KCNH5: variants seen among roughly 807,000 people sequenced by gnomAD.
KCNH5 encodes the protein voltage-gated delayed rectifier potassium channel KCNH5.
Under a neutral mutation model 96.1 loss-of-function variants are expected in KCNH5, and 46 were observed. The observed-to-expected ratio is 0.48, with a 90% confidence interval of 0.38 to 0.61. KCNH5 has a LOEUF of 0.61. Among genes scored for constraint, KCNH5 ranks in the 20% least tolerant of loss-of-function variants. The pLI, the probability that KCNH5 is intolerant of heterozygous loss-of-function variation, is 0.00. For missense variants in KCNH5, 907 were observed against 1,225.8 expected, an observed-to-expected ratio of 0.74 and a Z score of 3.88; for synonymous variants, 439 against 449.8, an observed-to-expected ratio of 0.98 and a Z score of 0.30.
At chr14:62,756,869 T>C (rs1036582827) in intron 10 of KCNH5, among the ~76,000 whole-genome samples, 4 of 152,176 alleles carry the variant, frequency 2.6e-5, no homozygotes, top group African/African-American at 9.6e-5. Context: ...ATTGTGGAAA[T>C]TCTCCAGAAC....
intron 6 of KCNH5, among the ~76,000 whole-genome samples, chr14:62,979,671 A>G (rs113664519): frequency 3.0e-4 from 45 of 152,276 alleles, no homozygotes; most frequent in African/African-American, 1.0e-3. Flanking sequence ...TATTTTAATA[A>G]TAGACATATT....
intron 6 of KCNH5, among the ~76,000 whole-genome samples, chr14:62,963,278 A>T (rs2139545890): frequency 2.0e-5 from 3 of 152,256 alleles, no homozygotes; most frequent in Middle Eastern, 6.8e-3. Context: ...AGGAGAAAGC[A>T]TAGTATATAT....
intron 7 of KCNH5, among the ~76,000 whole-genome samples, chr14:62,913,517 C>T (rs1034664315): frequency 2.0e-5 from 3 of 152,232 alleles, no homozygotes; most frequent in African/African-American, 4.8e-5. Flanking sequence ...TGAGCCACTG[C>T]GCCCGGCCAA....
chr14:62,776,922 T>C (rs1256855287), intron 10 of KCNH5, among the ~76,000 whole-genome samples: 1 of 152,198 alleles, frequency 6.6e-6, no homozygotes, highest in Non-Finnish European at 1.5e-5. Flanking sequence ...TGGATACACA[T>C]GTGTGGCCAG....
intron 7 of KCNH5, among the ~76,000 whole-genome samples, chr14:62,909,765 A>G (rs954550027): frequency 5.9e-5 from 9 of 152,094 alleles, no homozygotes; most frequent in Admixed American, 3.3e-4. Context: ...GCAGAGGCAC[A>G]GGCAGGTGAT....
intron 10 of KCNH5, chr14:62,712,375 A>C: frequency 2.4e-6 from 1 of 414,858 alleles, no homozygotes; most frequent in Non-Finnish European, 4.3e-6. Context: ...TTTCTCATTT[A>C]AGTGTCATGG....
intron 7 of KCNH5, among the ~76,000 whole-genome samples, chr14:62,894,809 T>A (rs1888779361): frequency 6.6e-6 from 1 of 152,238 alleles, no homozygotes; most frequent in African/African-American, 2.4e-5. Context: ...TTAAATGCAC[T>A]GAAATTAAAC....
At chr14:63,006,506 C>A (rs1891130758) in intron 2 of KCNH5, 34 bp from the exon 3 acceptor site, 1 of 1,258,128 alleles carries the variant, frequency 7.9e-7, no homozygotes, top group Non-Finnish European at 1.2e-6. Flanking sequence ...ATCGATTTCA[C>A]TTTTGTGTTG....
intron 7 of KCNH5, among the ~76,000 whole-genome samples, chr14:62,927,093 T>C (rs749617714): frequency 6.6e-6 from 1 of 152,154 alleles, no homozygotes; most frequent in East Asian, 1.9e-4. Context: ...AGAACTTGAA[T>C]AGACCCTTCT....
intron 7 of KCNH5, among the ~76,000 whole-genome samples, chr14:62,918,815 TA>T (rs932228407): frequency 2.6e-5 from 4 of 151,808 alleles, no homozygotes; most frequent in Non-Finnish European, 4.4e-5. Flanking sequence ...ATATATCCAA[TA>T]AAAAAAATGC....
chr14:62,760,227 CTT>C (rs1885717775), intron 10 of KCNH5, among the ~76,000 whole-genome samples: 1 of 152,108 alleles, frequency 6.6e-6, no homozygotes, highest in Non-Finnish European at 1.5e-5. Flanking sequence ...AGGAAACACT[CTT>C]TTTTCACACG....
chr14:62,781,680 C>G (rs908026913), intron 9 of KCNH5, among the ~76,000 whole-genome samples: 1 of 152,224 alleles, frequency 6.6e-6, no homozygotes, highest in Non-Finnish European at 1.5e-5. Flanking sequence ...TCTGTTCCGC[C>G]GGGCTCACCG....
intron 8 of KCNH5, 37 bp downstream of exon 8, chr14:62,849,616 A>C: frequency 6.4e-7 from 1 of 1,557,000 alleles, no homozygotes; most frequent in Non-Finnish European, 8.8e-7. Context: ...AGATCCTACT[A>C]AAATAGAAAC....
rs147534969 is a variant in KCNH5 at position 62,785,674 on chromosome 14, T to C, written c.1823-5750A>G. On this transcript the variant is annotated intron_variant, in intron 9 of 10. Transcript: ENST00000322893. ...CACTGTTAAACTACAGGAAAAAGGA[T>C]TGTAAAACAGAAATAATTGTTAAAG... 3.5e-4 allele frequency among the ~76,000 whole-genome samples: 53 copies of C among 152,308 alleles called. 1 individual carries two copies. Among genetic ancestry groups the C allele is most frequent in the South Asian group, 6.2e-4 (3 of 4,830 alleles).
intron 8 of KCNH5, among the ~76,000 whole-genome samples, chr14:62,812,480 C>T (rs1178476206): frequency 6.6e-6 from 1 of 152,110 alleles, no homozygotes; most frequent in Non-Finnish European, 1.5e-5. Context: ...ATGAAAAGGA[C>T]CTGAGCCAGA....
chr14:62,863,744 A>T (rs758410449), intron 7 of KCNH5, among the ~76,000 whole-genome samples: 6 of 152,198 alleles, frequency 3.9e-5, no homozygotes, highest in African/African-American at 9.6e-5. Flanking sequence ...AGATTAGGTG[A>T]TACAAACATT....
At chr14:62,960,511 C>T (rs972082721) in intron 6 of KCNH5, among the ~76,000 whole-genome samples, 36 of 152,058 alleles carry the variant, frequency 2.4e-4, no homozygotes, top group Admixed American at 1.9e-3. Context: ...TTAATAGCTG[C>T]TTAATTTTCA....
intron 6 of KCNH5, among the ~76,000 whole-genome samples, chr14:62,969,163 C>T (rs1308803274): frequency 2.6e-5 from 4 of 151,902 alleles, no homozygotes; most frequent in Admixed American, 6.6e-5. Flanking sequence ...TTAAATAACA[C>T]GAGTCAAAGA....
chr14:62,716,667 T>G (rs1884692951), intron 10 of KCNH5, among the ~76,000 whole-genome samples: 1 of 152,146 alleles, frequency 6.6e-6, no homozygotes. Context: ...GATGCAAGAT[T>G]AAAAAGTCAG....
Sources: allele counts gnomAD v4.1 joint callset (sites outside exome capture counted in the v4.1 genomes callset), GRCh38; gene constraint gnomAD v4.1.1; transcripts MANE v1.5; gene names NCBI Gene and HGNC (gene_info 2026-07-23, HGNC 2026-07-21).